GRK1: variants seen among roughly 807,000 people sequenced by gnomAD.
GRK1 encodes G protein-coupled receptor kinase 1, also known as rhodopsin kinase GRK1.
In GRK1, 28 loss-of-function variants were observed where a neutral mutation model predicts 41.7. The ratio of observed to expected loss-of-function variants is 0.67; its 90% CI spans 0.50 to 0.92. The LOEUF (loss-of-function observed/expected upper bound fraction) is 0.92. GRK1 is among the 40% of genes least tolerant of loss of function. The pLI is 0.00. For synonymous variants in GRK1, 327 were observed against 286.7 expected (o/e 1.14, Z -1.42); for missense variants, 703 against 671.2 (o/e 1.05, Z -0.52).
the GRK1 span, chr13:113,649,253 C>G: frequency 1.6e-6 from 2 of 1,255,148 alleles, no homozygotes; most frequent in Non-Finnish European, 2.2e-6. This position sits in a 1 kb window ranked among gnomAD's most constrained non-coding sequence, Gnocchi z 4.7. Context: ...ACTGACAACA[C>G]CGTTGCTCCA....
the GRK1 span, among the ~76,000 whole-genome samples, chr13:113,648,357 G>A: frequency 3.3e-5 from 5 of 152,202 alleles, no homozygotes; most frequent in Non-Finnish European, 7.3e-5. Context: ...GGACTTCGAC[G>A]CGCCAGTCGC....
the GRK1 span, chr13:113,649,417 G>A: frequency 7.5e-6 from 12 of 1,589,416 alleles, no homozygotes; most frequent in African/African-American, 2.7e-5. This position sits in a 1 kb window ranked among gnomAD's most constrained non-coding sequence, Gnocchi z 4.7. Flanking sequence ...CCCTTCATAC[G>A]GGTCGTGGGG....
intron 1 of GRK1, among the ~76,000 whole-genome samples, chr13:113,668,515 G>T (rs1315841111): frequency 6.6e-6 from 1 of 152,272 alleles, no homozygotes; most frequent in African/African-American, 2.4e-5. Flanking sequence ...GACGGAGGCA[G>T]CCTCGCTCTG....
intron 6 of GRK1, among the ~76,000 whole-genome samples, chr13:113,733,530 CGT>C (rs1454177325): frequency 9.1e-4 from 103 of 113,088 alleles, no homozygotes; most frequent in African/African-American, 2.3e-3. Flanking sequence ...CATGTGTGCG[CGT>C]GTGTGCATGC....
the GRK1 span, among the ~76,000 whole-genome samples, chr13:113,659,724 C>T: frequency 3.9e-5 from 6 of 152,090 alleles, no homozygotes; most frequent in Non-Finnish European, 5.9e-5. Flanking sequence ...TGAGCCCCTG[C>T]GCCCAGCCAT....
At chr13:113,653,343 CTG>C in the GRK1 span, 1 of 1,614,116 alleles carries the variant, frequency 6.2e-7, no homozygotes, top group Non-Finnish European at 8.5e-7. Context: ...CGTGGAGAGT[CTG>C]TGTGAGGTCT....
At chr13:113,730,816 C>T (rs912035905) in intron 4 of GRK1, among the ~76,000 whole-genome samples, 14 of 152,246 alleles carry the variant, frequency 9.2e-5, no homozygotes, top group African/African-American at 2.7e-4. Flanking sequence ...GTGGAAGACC[C>T]GCCTTGGCAT....
At chr13:113,657,937 G>C in the GRK1 span, 1 of 1,028,788 alleles carries the variant, frequency 9.7e-7, no homozygotes, top group South Asian at 1.5e-5. Flanking sequence ...CTCACTGTCA[G>C]GGGCCCTCTG....
chr13:113,724,570 G>A (rs759634705), intron 4 of GRK1, among the ~76,000 whole-genome samples: 1 of 152,196 alleles, frequency 6.6e-6, no homozygotes, highest in Non-Finnish European at 1.5e-5. Flanking sequence ...GGGGGCTAAG[G>A]ACTGTTTCCC....
chr13:113,730,134 C>T (rs1243828356), intron 4 of GRK1, among the ~76,000 whole-genome samples: 17 of 113,968 alleles, frequency 1.5e-4, no homozygotes, highest in African/African-American at 6.0e-4. Flanking sequence ...CCAGTCCCCG[C>T]GGCTGCACCC....
At chr13:113,734,093 C>A (rs1286181846) in intron 6 of GRK1, among the ~76,000 whole-genome samples, 1 of 152,188 alleles carries the variant, frequency 6.6e-6, no homozygotes, top group African/African-American at 2.4e-5. Context: ...TGTGTTCATG[C>A]ACTTTTGCAT....
chr13:113,652,627 C>A, the GRK1 span: 1 of 591,244 alleles, frequency 1.7e-6, no homozygotes, highest in African/African-American at 1.8e-5. Context: ...GACCCCTGTT[C>A]AAATGTTTCC....
upstream of GRK1, among the ~76,000 whole-genome samples, chr13:113,664,022 G>A (rs1312815234): frequency 6.6e-6 from 1 of 152,196 alleles, no homozygotes; most frequent in African/African-American, 2.4e-5. This position sits in a 1 kb window ranked among gnomAD's most constrained non-coding sequence, Gnocchi z 5.4. Context: ...CGATCCAGCC[G>A]TCCTTCAACC....
the GRK1 span, among the ~76,000 whole-genome samples, chr13:113,651,247 C>A: frequency 1.3e-5 from 2 of 152,182 alleles, no homozygotes; most frequent in African/African-American, 2.4e-5. Flanking sequence ...TGAAAAACAA[C>A]CTGGAATTAG....
At chr13:113,727,133 C>T (rs1336730345) in intron 4 of GRK1, among the ~76,000 whole-genome samples, 1 of 152,250 alleles carries the variant, frequency 6.6e-6, no homozygotes, top group Non-Finnish European at 1.5e-5. Flanking sequence ...CTCACACAGG[C>T]CCCATGTGCC....
At chr13:113,658,046 G>A in the GRK1 span, 36 of 1,603,542 alleles carry the variant, frequency 2.2e-5, 1 homozygote, top group Admixed American at 5.6e-4. Flanking sequence ...ACCGGGACAG[G>A]GTGCGGCCCA....
chr13:113,668,291 C>T (rs950283970), intron 1 of GRK1, among the ~76,000 whole-genome samples: 5 of 152,244 alleles, frequency 3.3e-5, no homozygotes, highest in African/African-American at 1.2e-4. Context: ...AGTCCCTCCT[C>T]GGAGAGTGAC....
intron 6 of GRK1, among the ~76,000 whole-genome samples, chr13:113,733,971 T>C (rs1370448641): frequency 7.6e-5 from 9 of 117,882 alleles, no homozygotes; most frequent in East Asian, 2.0e-4. Context: ...TGTGTGTGCG[T>C]GTGTGCGCAT....
rs1555361244 is a variant in GRK1 at position 113,733,892 on chromosome 13, T to TGTGC, written c.1396+810_1396+811insCGTG. ...GTGCGTGTGTGCATACGTGTGTGCGTGTGTGTATGTGTGCATACAGTGTGC... is the reference window on the plus strand; with the variant it reads ...GTGCGTGTGTGCATACGTGTGTGCGTGTGCGTGTGTATGTGTGCATACAGTGTGC... On this transcript the variant is annotated intron_variant, in intron 6 of 6. Transcript: ENST00000335678. Among the ~76,000 whole-genome samples, 201 of 116,266 alleles carry TGTGC rather than the reference T, an allele frequency of 1.7e-3. 4 individuals are homozygous for TGTGC. Among genetic ancestry groups the TGTGC allele is most frequent in the African/African-American group, 7.8e-3 (173 of 22,314 alleles). 76.3% of individuals were successfully genotyped at this position (116,266 alleles called of 152,430 possible).
Sources: gnomAD v4.1 joint callset for allele counts (sites outside exome capture counted in the v4.1 genomes callset) on GRCh38, gnomAD v4.1.1 for gene constraint, Gnocchi (gnomAD v3.1) non-coding constraint, MANE v1.5 for transcripts, NCBI Gene and HGNC (gene_info 2026-07-23, HGNC 2026-07-21) for gene names.